The following KCNIP1 variants were observed in gnomAD, a reference collection of about 807,000 sequenced individuals.
KCNIP1 encodes the protein potassium voltage-gated channel interacting protein 1.
KCNIP1 carries 18 observed loss-of-function variants against 33.0 expected under a neutral mutation model. The observed-to-expected ratio is 0.55, with a 90% confidence interval of 0.38 to 0.81. The LOEUF is 0.81. Ranked by LOEUF, KCNIP1 falls within the 30% of genes least tolerant of loss-of-function variation. KCNIP1 has a pLI of 0.00. For synonymous variants in KCNIP1, 93 were observed against 98.3 expected, an observed-to-expected ratio of 0.95 and a Z score of 0.32; for missense variants, 238 against 271.6, an observed-to-expected ratio of 0.88 and a Z score of 0.87.
At chr5:170,458,014 C>T (rs1031931658) in intron 1 of KCNIP1, among the ~76,000 whole-genome samples, 1 of 152,132 alleles carries the variant, frequency 6.6e-6, no homozygotes, top group African/African-American at 2.4e-5. Context: ...ATCAAAACTT[C>T]AGGAAACAAT....
intron 1 of KCNIP1, among the ~76,000 whole-genome samples, chr5:170,511,786 GCAGAGCCTGGTTCTGGTTGATCC>G (rs1290839308): frequency 6.6e-6 from 1 of 152,168 alleles, no homozygotes. Context: ...CTTGGGAATC[GCAGAGCCTGGTTCTGGTTGATCC>G]CAGACCCTGA....
rs191787534 is a variant in KCNIP1 at position 170,716,527 on chromosome 5, A to G, written c.62-2231A>G. Among the ~76,000 whole-genome samples, 142 of 152,232 alleles carry G rather than the reference A, an allele frequency of 9.3e-4. 2 individuals carry two copies. The highest frequency in any genetic ancestry group is 7.1e-4 in the Non-Finnish European group (48 of 67,972). On this transcript the variant is annotated intron_variant, in intron 1 of 7. Coordinates refer to ENST00000328939, the MANE Select transcript of KCNIP1 (RefSeq NM_014592.4). The stretch of plus-strand genomic sequence containing the variant: ...GTTACCACAGCCTGACACTTAGCCA[A>G]TGATGAAAACGAAAAACAAAACAAA...
chr5:170,418,390 C>T (rs574021546), intron 1 of KCNIP1, among the ~76,000 whole-genome samples: 3 of 152,300 alleles, frequency 2.0e-5, no homozygotes, highest in African/African-American at 7.2e-5. Context: ...GACTGCACCA[C>T]TGCGCTCCAG....
chr5:170,458,799 A>G (rs1044413761), intron 1 of KCNIP1, among the ~76,000 whole-genome samples: 2 of 152,178 alleles, frequency 1.3e-5, no homozygotes, highest in African/African-American at 4.8e-5. Flanking sequence ...TTAAGACAAC[A>G]ACAAAAAACA....
At chr5:170,359,095 G>C (rs1305352864) in intron 1 of KCNIP1, among the ~76,000 whole-genome samples, 1 of 152,140 alleles carries the variant, frequency 6.6e-6, no homozygotes, top group Non-Finnish European at 1.5e-5. Context: ...CACTCCAGAG[G>C]CCAAGATCAG....
chr5:170,599,020 G>A (rs2113579361), intron 1 of KCNIP1, among the ~76,000 whole-genome samples: 2 of 151,870 alleles, frequency 1.3e-5, no homozygotes, highest in Admixed American at 1.3e-4. Flanking sequence ...CATAAGTAAG[G>A]CAGTTTGCAG....
intron 1 of KCNIP1, among the ~76,000 whole-genome samples, chr5:170,710,407 A>G (rs1763404625): frequency 6.6e-6 from 1 of 152,200 alleles, no homozygotes; most frequent in African/African-American, 2.4e-5. Flanking sequence ...AATGTTCACC[A>G]TTATTTTAAA....
At chr5:170,374,652 T>C (rs1763938327) in intron 1 of KCNIP1, 1 of 152,130 alleles carries the variant, frequency 6.6e-6, no homozygotes, top group Non-Finnish European at 1.5e-5. Context: ...CAATAATAAA[T>C]GATGGAAGCA....
chr5:170,393,782 G>A (rs1754680395), intron 1 of KCNIP1, among the ~76,000 whole-genome samples: 1 of 152,072 alleles, frequency 6.6e-6, no homozygotes, highest in Non-Finnish European at 1.5e-5. Flanking sequence ...TTTTTCCTCT[G>A]ACTCTTTTCA....
intron 1 of KCNIP1, among the ~76,000 whole-genome samples, chr5:170,521,975 G>A (rs1755379051): frequency 6.6e-6 from 1 of 152,196 alleles, no homozygotes; most frequent in Non-Finnish European, 1.5e-5. Context: ...TGAAAGGGGA[G>A]CAGAAAATGT....
At chr5:170,631,114 G>A (rs1462857583) in intron 1 of KCNIP1, among the ~76,000 whole-genome samples, 1 of 152,142 alleles carries the variant, frequency 6.6e-6, no homozygotes, top group Non-Finnish European at 1.5e-5. Context: ...TCTATGAATG[G>A]GGACAATCAC....
intron 5 of KCNIP1, among the ~76,000 whole-genome samples, chr5:170,729,712 G>A (rs999559932): frequency 3.9e-5 from 6 of 152,054 alleles, no homozygotes; most frequent in African/African-American, 1.2e-4. Context: ...AATTGCAAAG[G>A]TTTTGTAAAG....
intron 1 of KCNIP1, chr5:170,389,268 G>T (rs969900717): frequency 6.6e-6 from 1 of 152,176 alleles, no homozygotes; most frequent in Admixed American, 6.5e-5. Context: ...CAGTCTTCCC[G>T]GCGTCCTGTG....
chr5:170,408,252 T>C (rs1262705402), intron 1 of KCNIP1, among the ~76,000 whole-genome samples: 1 of 152,194 alleles, frequency 6.6e-6, no homozygotes, highest in Non-Finnish European at 1.5e-5. Context: ...AATTATTGAC[T>C]GGCAGAGAAC....
chr5:170,599,131 C>G (rs541229585), intron 1 of KCNIP1, among the ~76,000 whole-genome samples: 1 of 152,186 alleles, frequency 6.6e-6, no homozygotes, highest in African/African-American at 2.4e-5. Context: ...ATAGAACTGA[C>G]TCACTCCTCC....
intron 1 of KCNIP1, among the ~76,000 whole-genome samples, chr5:170,441,733 C>T (rs948167505): frequency 4.6e-5 from 7 of 152,036 alleles, no homozygotes; most frequent in Middle Eastern, 3.4e-3. Context: ...TGGGAGGTCA[C>T]GAGGTCAGAA....
intron 3 of KCNIP1, 31 bp downstream of exon 3, chr5:170,720,421 A>G: frequency 6.5e-7 from 1 of 1,539,280 alleles, no homozygotes; most frequent in East Asian, 2.2e-5. Context: ...TATCTTGCCC[A>G]GCTCCCTCTC....
chr5:170,695,352 T>C (rs1363516505), intron 1 of KCNIP1, among the ~76,000 whole-genome samples: 1 of 152,096 alleles, frequency 6.6e-6, no homozygotes, highest in African/African-American at 2.4e-5. Context: ...TTCCTCTAAA[T>C]AGAATCTGCT....
At chr5:170,394,110 C>T (rs896683685) in intron 1 of KCNIP1, among the ~76,000 whole-genome samples, 3 of 152,066 alleles carry the variant, frequency 2.0e-5, no homozygotes, top group Non-Finnish European at 4.4e-5. Flanking sequence ...AGCATGTGCC[C>T]TCTCCTTCCA....
Sources: gnomAD v4.1 joint callset for allele counts (sites outside exome capture counted in the v4.1 genomes callset) on GRCh38, gnomAD v4.1.1 for gene constraint, MANE v1.5 for transcripts, NCBI Gene and HGNC (gene_info 2026-07-23, HGNC 2026-07-21) for gene names.